Variants in PRICKLE1 observed in about 807,000 individuals in gnomAD.
PRICKLE1 encodes the protein prickle-like protein 1.
PRICKLE1 carries 14 observed loss-of-function variants against 70.2 expected under a neutral mutation model. The ratio of observed to expected loss-of-function variants is 0.20; its 90% CI spans 0.13 to 0.31. PRICKLE1 has a LOEUF of 0.31. Among genes scored for constraint, PRICKLE1 ranks in the 10% least tolerant of loss-of-function variants. The pLI is 1.00. For missense variants in PRICKLE1, 821 were observed against 1,026.2 expected, an observed-to-expected ratio of 0.80 and a Z score of 2.73; for synonymous variants, 357 against 379.9, an observed-to-expected ratio of 0.94 and a Z score of 0.70.
At chr12:42,498,176 CTTTT>C (rs59478495) in intron 1 of PRICKLE1, among the ~76,000 whole-genome samples, 1 of 137,828 alleles carries the variant, frequency 7.3e-6, no homozygotes. Flanking sequence ...TTCTCTCTCT[CTTTT>C]TTTTTTTTTG....
Position 42,477,883 on chromosome 12 carries a change from CT to C in PRICKLE1, c.-48-5320del, listed in dbSNP as rs375743995. Among the ~76,000 whole-genome samples the C allele has an allele frequency of 3.8e-4, 57 of 150,446 alleles. 1 individual carries two copies. The highest frequency in any genetic ancestry group is 1.3e-3 in the African/African-American group (52 of 40,924). ...AAGTTGGGGTTATGACAGAGTAAAA[CT>C]TTTTTTATGATGCTTCTTTTTTCTT... On this transcript the variant is annotated intron_variant, in intron 1 of 7. Coordinates refer to ENST00000345127, the MANE Select transcript of PRICKLE1 (RefSeq NM_153026.3).
chr12:42,473,729 T>C (rs764227658), intron 1 of PRICKLE1, among the ~76,000 whole-genome samples: 7 of 152,018 alleles, frequency 4.6e-5, no homozygotes, highest in Non-Finnish European at 8.8e-5. Flanking sequence ...TCCAAGGTCA[T>C]ATGGCTAAAA....
rs1266492801 is a variant in PRICKLE1 at position 42,559,566 on chromosome 12, G to GTA, written c.-49+29897_-49+29898dup. Among the ~76,000 whole-genome samples, 8 of 138,986 alleles carry GTA rather than the reference G, an allele frequency of 5.8e-5. No homozygotes were observed. In the South Asian group the frequency reaches 6.8e-4, roughly 12 times the overall value. 91.2% of individuals were successfully genotyped at this position (138,986 alleles called of 152,430 possible). A position where few individuals can be genotyped will look rare whatever the true frequency, so the allele number is the denominator to read the frequency against. On this transcript the variant is annotated intron_variant, in intron 1 of 7. Transcript: ENST00000345127. ...CAGCAAATTTTTAAAAAACACAAAT[G>GTA]TATATATATATGTGTGTGTTTATGT...
At chr12:42,500,789 A>T (rs1939293254) in intron 1 of PRICKLE1, among the ~76,000 whole-genome samples, 1 of 152,310 alleles carries the variant, frequency 6.6e-6, no homozygotes, top group African/African-American at 2.4e-5. Flanking sequence ...AATTTATTGC[A>T]GATGAGCTCA....
At chr12:42,523,161 GT>G (rs1222388397) in intron 1 of PRICKLE1, among the ~76,000 whole-genome samples, 1 of 152,078 alleles carries the variant, frequency 6.6e-6, no homozygotes, top group Non-Finnish European at 1.5e-5. Context: ...TAGAGACGGG[GT>G]TTCACTGTGT....
intron 1 of PRICKLE1, among the ~76,000 whole-genome samples, chr12:42,507,156 G>A (rs2120361705): frequency 6.6e-6 from 1 of 152,250 alleles, no homozygotes; most frequent in Non-Finnish European, 1.5e-5. Context: ...ATTAACTGCT[G>A]TCCTTCTGGG....
intron 1 of PRICKLE1, among the ~76,000 whole-genome samples, chr12:42,504,659 C>G (rs1450138748): frequency 6.6e-6 from 1 of 152,150 alleles, no homozygotes; most frequent in African/African-American, 2.4e-5. Context: ...AGAGGTGTCT[C>G]AGGCTAACAC....
chr12:42,529,150 G>GA (rs897760699), intron 1 of PRICKLE1, among the ~76,000 whole-genome samples: 1 of 151,992 alleles, frequency 6.6e-6, no homozygotes, highest in African/African-American at 2.4e-5. Context: ...TTTTAATTAG[G>GA]AAAAATACCT....
intron 1 of PRICKLE1, among the ~76,000 whole-genome samples, chr12:42,494,384 C>T (rs143552580): frequency 9.8e-5 from 15 of 152,346 alleles, no homozygotes; most frequent in African/African-American, 3.6e-4. Context: ...CTCCCAAACT[C>T]TGTTGCTGCT....
chr12:42,568,934 T>C (rs1940665348), intron 1 of PRICKLE1, among the ~76,000 whole-genome samples: 1 of 152,178 alleles, frequency 6.6e-6, no homozygotes, highest in Admixed American at 6.5e-5. Flanking sequence ...CCATAATCCA[T>C]AGTCCCATCT....
intron 1 of PRICKLE1, among the ~76,000 whole-genome samples, chr12:42,475,486 C>G (rs1436564055): frequency 6.6e-6 from 1 of 152,120 alleles, no homozygotes; most frequent in East Asian, 1.9e-4. Flanking sequence ...TGATCCTAAA[C>G]CCCTGCAACC....
intron 1 of PRICKLE1, chr12:42,524,689 T>G (rs1939771374): frequency 6.6e-6 from 1 of 152,184 alleles, no homozygotes; most frequent in Admixed American, 6.6e-5. Flanking sequence ...GGATTACAGG[T>G]GTAAGCCACC....
intron 1 of PRICKLE1, among the ~76,000 whole-genome samples, chr12:42,538,969 A>G (rs534425644): frequency 6.6e-6 from 1 of 152,354 alleles, no homozygotes; most frequent in Admixed American, 6.5e-5. Flanking sequence ...ACTTCAAGAA[A>G]AAAACATGGG....
In PRICKLE1 at chr12:42,572,460, TAAA is replaced by T. The variant is rs1566132143; in HGVS notation, c.-49+17002_-49+17004del. On this transcript the variant is annotated intron_variant, in intron 1 of 7. Transcript: ENST00000345127. ...TTAAATAAATAAATAAATAAATAAA[TAAA>T]TAAATAAATTAAAAATACTTGTTTT... 1.7e-3 allele frequency among the ~76,000 whole-genome samples: 253 copies of T among 149,184 alleles called. 3 individuals carry two copies. The South Asian group carries it at 0.026, about 15-fold the overall frequency.
At position 42,506,567 on chromosome 12, in the gene PRICKLE1, CTTTTTTTTT is replaced by C. The variant is rs139103281; in HGVS notation, c.-48-34012_-48-34004del. ...CCACCGCGCCCAGCTCAATAGTGTT[CTTTTTTTTT>C]TTTTTTTTTTTTTTTTTTTGAGACA... On this transcript the variant is annotated intron_variant, in intron 1 of 7. Transcript: ENST00000345127. 6.2e-3 allele frequency among the ~76,000 whole-genome samples: 400 copies of C among 64,624 alleles called. 5 individuals are homozygous for C. Among genetic ancestry groups the C allele is most frequent in the African/African-American group, 0.021 (376 of 17,792 alleles). 42.4% of individuals were successfully genotyped at this position (64,624 alleles called of 152,430 possible).
At chr12:42,465,678 T>A in intron 6 of PRICKLE1, 1 of 267,780 alleles carries the variant, frequency 3.7e-6, no homozygotes, top group South Asian at 4.8e-5. Flanking sequence ...CCAAGTGTAA[T>A]GCTGATAATG....
At chr12:42,519,917 C>T (rs188027728) in intron 1 of PRICKLE1, among the ~76,000 whole-genome samples, 76 of 152,270 alleles carry the variant, frequency 5.0e-4, no homozygotes, top group Middle Eastern at 3.4e-3. Flanking sequence ...AAGCCATCCT[C>T]CCACCTCAGC....
chr12:42,464,282 T>C lies in PRICKLE1; in HGVS notation c.1639+113A>G, dbSNP rs141620975. 2.2e-3 allele frequency: 2,857 copies of C among 1,308,198 alleles called. 50 individuals are homozygous for C. In the African/African-American group the frequency reaches 0.036, roughly 16 times the overall value. 81.0% of individuals were successfully genotyped at this position (1,308,198 alleles called of 1,614,324 possible). ...ATGATCTGCCCACCTCAGCCTCCCATAGTGCTGGAATTATAGGCATGAGCC... is the reference window on the plus strand; with the variant it reads ...ATGATCTGCCCACCTCAGCCTCCCACAGTGCTGGAATTATAGGCATGAGCC... On this transcript the variant is annotated intron_variant, in intron 7 of 7. Transcript: ENST00000345127. The surrounding 1 kb of genome is among the most constrained non-coding windows in gnomAD (Gnocchi z 4.2).
In PRICKLE1 at chr12:42,459,002, C is replaced by A; in HGVS notation, c.*807G>T. On this transcript the variant is annotated 3_prime_UTR_variant, in exon 8 of 8. Transcript: ENST00000345127. ...AAAAATCAAAAAAAGTTGAATTTTC[C>A]ATCACTAGGCAATGTAAATTTGACC... The A allele has an allele frequency of 3.3e-6, 1 of 300,476 alleles. No individual in the cohort carries two copies. The highest frequency in any genetic ancestry group is 6.2e-6 in the Non-Finnish European group (1 of 161,776). The allele number at this position is 300,476 out of a possible 1,614,324, so 18.6% of individuals were successfully genotyped here.
Sources: allele counts gnomAD v4.1 joint callset (sites outside exome capture counted in the v4.1 genomes callset), GRCh38; gene constraint gnomAD v4.1.1; non-coding constraint Gnocchi (gnomAD v3.1); transcripts MANE v1.5; gene names NCBI Gene and HGNC (gene_info 2026-07-23, HGNC 2026-07-21).